NCALD: variants seen among roughly 807,000 people sequenced by gnomAD.
The protein encoded by NCALD is neurocalcin delta.
In NCALD, 10 loss-of-function variants were observed where a neutral mutation model predicts 18.6. The ratio of observed to expected loss-of-function variants is 0.54; its 90% CI spans 0.33 to 0.91. The LOEUF is 0.91. Among genes scored for constraint, NCALD ranks in the 40% least tolerant of loss-of-function variants. The pLI is 0.03. For missense variants in NCALD, 184 were observed against 247.6 expected, an observed-to-expected ratio of 0.74 and a Z score of 1.72; for synonymous variants, 88 against 87.4, an observed-to-expected ratio of 1.01 and a Z score of -0.04.
chr8:101,958,203 A>C (rs1819705646), intron 2 of NCALD, among the ~76,000 whole-genome samples: 1 of 152,106 alleles, frequency 6.6e-6, no homozygotes, highest in Admixed American at 6.6e-5. Context: ...TAACTTTTGG[A>C]TCTCCATAGT....
At chr8:102,046,888 A>G (rs537846287) in intron 1 of NCALD, among the ~76,000 whole-genome samples, 6 of 150,944 alleles carry the variant, frequency 4.0e-5, no homozygotes, top group Non-Finnish European at 7.4e-5. Context: ...TCATGTCCTG[A>G]GGGTCTGTTG....
chr8:101,763,670 C>G (rs2130849271), intron 1 of NCALD, among the ~76,000 whole-genome samples: 1 of 152,180 alleles, frequency 6.6e-6, no homozygotes, highest in East Asian at 1.9e-4. Context: ...TGTGAGTGGA[C>G]CTCATTCAGT....
intron 3 of NCALD, chr8:101,690,222 G>A: frequency 1.0e-6 from 1 of 984,620 alleles, no homozygotes; most frequent in African/African-American, 1.7e-5. Flanking sequence ...GGTAGGAGTT[G>A]GGGGACTGCA....
chr8:102,002,817 C>T (rs575678698), intron 2 of NCALD, among the ~76,000 whole-genome samples: 1 of 152,114 alleles, frequency 6.6e-6, no homozygotes, highest in African/African-American at 2.4e-5. Flanking sequence ...TAAAGATGTT[C>T]TTTGAAACCA....
At chr8:101,707,188 G>T (rs1042849030) in intron 2 of NCALD, among the ~76,000 whole-genome samples, 1 of 152,146 alleles carries the variant, frequency 6.6e-6, no homozygotes, top group South Asian at 2.1e-4. Flanking sequence ...CATATTAAAA[G>T]TGACAGAGTG....
At chr8:101,717,304 A>G (rs1314122530) in intron 2 of NCALD, among the ~76,000 whole-genome samples, 1 of 152,238 alleles carries the variant, frequency 6.6e-6, no homozygotes, top group Non-Finnish European at 1.5e-5. Flanking sequence ...TAGAAAATTT[A>G]TGACTTGGAG....
chr8:101,830,103 G>T (rs1814111703), intron 4 of NCALD, among the ~76,000 whole-genome samples: 1 of 151,974 alleles, frequency 6.6e-6, no homozygotes, highest in Non-Finnish European at 1.5e-5. Flanking sequence ...GTGGGATGGG[G>T]GAACTGCAGA....
chr8:101,886,164 C>T (rs753547922), intron 4 of NCALD, among the ~76,000 whole-genome samples: 23 of 152,168 alleles, frequency 1.5e-4, no homozygotes, highest in Admixed American at 2.6e-4. Context: ...GACTGGACTA[C>T]CAAATTTGGA....
chr8:101,986,284 G>C (rs747416949), intron 2 of NCALD, among the ~76,000 whole-genome samples: 2 of 152,200 alleles, frequency 1.3e-5, no homozygotes, highest in Non-Finnish European at 2.9e-5. Context: ...GCCTGCCTCA[G>C]CCTCCCAAAG....
intron 1 of NCALD, among the ~76,000 whole-genome samples, chr8:101,767,399 G>A (rs1811394357): frequency 6.6e-6 from 1 of 152,146 alleles, no homozygotes; most frequent in Non-Finnish European, 1.5e-5. Context: ...ATCTGGAGAA[G>A]GTTTTTAAAA....
At chr8:101,842,616 G>C (rs750579180) in intron 4 of NCALD, among the ~76,000 whole-genome samples, 1 of 152,224 alleles carries the variant, frequency 6.6e-6, no homozygotes, top group African/African-American at 2.4e-5. Flanking sequence ...AAGGCAGGAA[G>C]ACAGGGAAGG....
At chr8:101,807,656 C>CTGTT (rs1813153624) in intron 4 of NCALD, among the ~76,000 whole-genome samples, 2 of 152,128 alleles carry the variant, frequency 1.3e-5, no homozygotes, top group Non-Finnish European at 2.9e-5. Context: ...AAGGCACATA[C>CTGTT]AAACTGTTAG....
chr8:101,864,593 CT>C (rs34516996), intron 4 of NCALD, among the ~76,000 whole-genome samples: 360 of 136,810 alleles, frequency 2.6e-3, no homozygotes, highest in East Asian at 7.6e-3. Flanking sequence ...TCTTTCCTTT[CT>C]TTTTTTTTTT....
At chr8:101,972,809 G>C (rs1820289688) in intron 2 of NCALD, among the ~76,000 whole-genome samples, 1 of 152,172 alleles carries the variant, frequency 6.6e-6, no homozygotes, top group East Asian at 1.9e-4. Flanking sequence ...GCTGTCCTGA[G>C]CTAGGCCACA....
intron 4 of NCALD, among the ~76,000 whole-genome samples, chr8:101,816,511 T>C (rs1374045599): frequency 4.6e-5 from 7 of 152,198 alleles, no homozygotes; most frequent in African/African-American, 1.7e-4. Context: ...ATTGCCTGTC[T>C]TTGTTCAACC....
Position 101,689,086 on chromosome 8 carries a change from C to A in NCALD, c.*223G>T. ...AAAAATCATCAAACAATGAACACCA[C>A]GAAGTCTGTCCATGCTCTCCACAAG... On this transcript the variant is annotated 3_prime_UTR_variant, in exon 4 of 4. Coordinates refer to ENST00000220931, the MANE Select transcript of NCALD (RefSeq NM_032041.3). The surrounding 1 kb of genome is among the most constrained non-coding windows in gnomAD (Gnocchi z 4.4). The A allele has an allele frequency of 1.4e-6, 1 of 703,316 alleles. No individual in the cohort carries two copies. Among genetic ancestry groups the A allele is most frequent in the Non-Finnish European group, 2.6e-6 (1 of 385,138 alleles). 43.6% of individuals were successfully genotyped at this position (703,316 alleles called of 1,614,324 possible).
chr8:101,992,057 T>C (rs1190676387), intron 2 of NCALD, among the ~76,000 whole-genome samples: 1 of 152,200 alleles, frequency 6.6e-6, no homozygotes, highest in Non-Finnish European at 1.5e-5. Flanking sequence ...GAAAAGTGCA[T>C]TACTACACTC....
chr8:101,732,855 C>T (rs1816903625), intron 1 of NCALD, among the ~76,000 whole-genome samples: 1 of 152,130 alleles, frequency 6.6e-6, no homozygotes, highest in Non-Finnish European at 1.5e-5. Context: ...CTGCCTGCTC[C>T]AGCCTCTCAA....
chr8:101,796,326 A>G, intron 4 of NCALD, among the ~76,000 whole-genome samples: 1 of 152,230 alleles, frequency 6.6e-6, no homozygotes, highest in Middle Eastern at 3.2e-3. Flanking sequence ...ATGCCAGGAA[A>G]TAGGTCTAAC....
Sources: gnomAD v4.1 joint callset for allele counts (sites outside exome capture counted in the v4.1 genomes callset) on GRCh38, gnomAD v4.1.1 for gene constraint, Gnocchi (gnomAD v3.1) non-coding constraint, MANE v1.5 for transcripts, NCBI Gene and HGNC (gene_info 2026-07-23, HGNC 2026-07-21) for gene names.